The following KCNH1 variants were observed in gnomAD, a reference collection of about 807,000 sequenced individuals.
KCNH1 encodes potassium voltage-gated channel subfamily H member 1.
Under a neutral mutation model 69.2 loss-of-function variants are expected in KCNH1, and 27 were observed. The observed-to-expected ratio is 0.39, with a 90% CI of 0.29 to 0.54. KCNH1 has a LOEUF of 0.54. Among genes scored for constraint, KCNH1 ranks in the 20% least tolerant of loss-of-function variants. KCNH1 has a pLI of 0.68. For synonymous variants in KCNH1, 456 were observed against 487.7 expected (o/e 0.93, Z 0.86); for missense variants, 798 against 1,261.6 (o/e 0.63, Z 5.57).
At chr1:211,068,051 C>T (rs1396834210) in intron 5 of KCNH1, among the ~76,000 whole-genome samples, 1 of 152,238 alleles carries the variant, frequency 6.6e-6, no homozygotes, top group Non-Finnish European at 1.5e-5. Context: ...ATTGCCTTAG[C>T]TCAGGAAAGA....
At chr1:211,113,002 G>T (rs1175470623) in intron 1 of KCNH1, among the ~76,000 whole-genome samples, 1 of 152,174 alleles carries the variant, frequency 6.6e-6, no homozygotes, top group East Asian at 1.9e-4. Context: ...ACATAAGTGA[G>T]ATTTTAGATA....
chr1:210,726,001 G>C (rs1175194172), intron 10 of KCNH1, among the ~76,000 whole-genome samples: 2 of 152,174 alleles, frequency 1.3e-5, no homozygotes, highest in Non-Finnish European at 2.9e-5. Flanking sequence ...TGGAGGACAA[G>C]ACTGCATCTT....
intron 10 of KCNH1, among the ~76,000 whole-genome samples, chr1:210,693,078 T>C (rs1681558484): frequency 6.6e-6 from 1 of 152,160 alleles, no homozygotes; most frequent in South Asian, 2.1e-4. Flanking sequence ...GAAGCCGGCA[T>C]AGAAGCCAAC....
chr1:211,017,165 T>C (rs746992882), intron 6 of KCNH1, among the ~76,000 whole-genome samples: 2 of 152,072 alleles, frequency 1.3e-5, no homozygotes, highest in Non-Finnish European at 1.5e-5. Context: ...CAGCTCTACA[T>C]TGGCAGCATT....
chr1:210,879,685 T>C (rs893971591), intron 7 of KCNH1, among the ~76,000 whole-genome samples: 1 of 152,080 alleles, frequency 6.6e-6, no homozygotes, highest in African/African-American at 2.4e-5. Context: ...AATTTCCCAC[T>C]AACATTAGGA....
chr1:210,782,964 T>C (rs1169647745), intron 9 of KCNH1, among the ~76,000 whole-genome samples: 3 of 152,226 alleles, frequency 2.0e-5, no homozygotes, highest in Admixed American at 6.5e-5. Context: ...TTATGGCAGC[T>C]GGAATAGACT....
At position 210,974,626 on chromosome 1, in the gene KCNH1, C is replaced by G. The variant is rs1034125778; in HGVS notation, c.1032+44157G>C. ...TCACTCAGGCTGCAGTGCAGTGGCACGATCTTGGCTCACTGCAAACTCCAC... is the reference window on the plus strand; with the variant it reads ...TCACTCAGGCTGCAGTGCAGTGGCAGGATCTTGGCTCACTGCAAACTCCAC... On this transcript the variant is annotated intron_variant, in intron 6 of 10. Coordinates refer to ENST00000271751, the MANE Select transcript of KCNH1 (RefSeq NM_172362.3). 1.9e-3 allele frequency among the ~76,000 whole-genome samples: 281 copies of G among 146,106 alleles called. 2 individuals are homozygous for G. The highest frequency in any genetic ancestry group is 4.1e-4 in the East Asian group (2 of 4,872).
chr1:210,865,240 T>C (rs1574304882), intron 7 of KCNH1, among the ~76,000 whole-genome samples: 1 of 152,374 alleles, frequency 6.6e-6, no homozygotes, highest in Non-Finnish European at 1.5e-5. Context: ...TTATGTACAA[T>C]GTCTGGAACA....
intron 5 of KCNH1, among the ~76,000 whole-genome samples, chr1:211,057,282 G>A (rs1247865956): frequency 6.6e-6 from 1 of 152,076 alleles, no homozygotes; most frequent in African/African-American, 2.4e-5. Context: ...TCAAGCAAAA[G>A]AAAGAAACAG....
chr1:211,116,652 ACT>A (rs1691589218), intron 1 of KCNH1, among the ~76,000 whole-genome samples: 1 of 151,870 alleles, frequency 6.6e-6, no homozygotes, highest in South Asian at 2.1e-4. Context: ...AAGAGGAATC[ACT>A]CTGTTTGTCT....
At position 210,840,207 on chromosome 1, in the gene KCNH1, G is replaced by A. The variant is rs6540629; in HGVS notation, c.1463-36041C>T. Among the ~76,000 whole-genome samples the A allele has an allele frequency of 9.9e-3, 1,504 of 152,172 alleles. 30 individuals are homozygous for A. Among genetic ancestry groups the A allele is most frequent in the African/African-American group, 0.035 (1,444 of 41,506 alleles). ...ACACACCTCAGATAATAACTCTGGA[G>A]CTGTTTTGTTTGTTGCTGTTGTTGT... On this transcript the variant is annotated intron_variant, in intron 7 of 10. Coordinates refer to ENST00000271751, the MANE Select transcript of KCNH1 (RefSeq NM_172362.3).
chr1:210,891,792 T>C (rs539033110), intron 7 of KCNH1, among the ~76,000 whole-genome samples: 3 of 152,126 alleles, frequency 2.0e-5, no homozygotes, highest in African/African-American at 7.2e-5. Context: ...CTATTCACAA[T>C]AGCAAGACTT....
At chr1:211,030,935 A>G (rs527505482) in intron 5 of KCNH1, among the ~76,000 whole-genome samples, 1 of 152,216 alleles carries the variant, frequency 6.6e-6, no homozygotes, top group Non-Finnish European at 1.5e-5. Flanking sequence ...AAAAGGTATA[A>G]ACAGACATTT....
At chr1:210,747,205 G>A (rs947894888) in intron 10 of KCNH1, among the ~76,000 whole-genome samples, 1 of 152,210 alleles carries the variant, frequency 6.6e-6, no homozygotes, top group East Asian at 1.9e-4. Flanking sequence ...ATAGTTGCCC[G>A]ATTCCTGTGT....
At chr1:210,799,620 T>C (rs1684391887) in intron 8 of KCNH1, among the ~76,000 whole-genome samples, 1 of 152,148 alleles carries the variant, frequency 6.6e-6, no homozygotes, top group Non-Finnish European at 1.5e-5. Context: ...TCCAGAGAAA[T>C]CAGAAGTGTT....
At chr1:210,998,907 A>G (rs1394355170) in intron 6 of KCNH1, among the ~76,000 whole-genome samples, 1 of 152,250 alleles carries the variant, frequency 6.6e-6, no homozygotes, top group Non-Finnish European at 1.5e-5. Flanking sequence ...CTGCTCCTGA[A>G]TGACTACTGG....
At chr1:210,827,442 A>G (rs1477171824) in intron 7 of KCNH1, among the ~76,000 whole-genome samples, 1 of 152,236 alleles carries the variant, frequency 6.6e-6, no homozygotes, top group Admixed American at 6.5e-5. Context: ...ACCATGTACT[A>G]CTACTTTTCA....
At chr1:211,004,322 A>G (rs1689239613) in intron 6 of KCNH1, among the ~76,000 whole-genome samples, 2 of 152,188 alleles carry the variant, frequency 1.3e-5, no homozygotes, top group Admixed American at 6.5e-5. Flanking sequence ...ATGAAAGAGG[A>G]AACAGATATA....
intron 6 of KCNH1, among the ~76,000 whole-genome samples, chr1:210,954,682 C>T (rs183191957): frequency 2.6e-5 from 4 of 152,202 alleles, no homozygotes; most frequent in East Asian, 1.9e-4. Flanking sequence ...TTCATGTGTC[C>T]GTTGGCTGCA....
Sources: allele counts gnomAD v4.1 joint callset (sites outside exome capture counted in the v4.1 genomes callset), GRCh38; gene constraint gnomAD v4.1.1; transcripts MANE v1.5; gene names NCBI Gene and HGNC (gene_info 2026-07-23, HGNC 2026-07-21).